CACNA2D1: variants seen among roughly 807,000 people sequenced by gnomAD.
The protein encoded by CACNA2D1 is calcium voltage-gated channel auxiliary subunit alpha2delta 1.
In CACNA2D1, 53 loss-of-function variants were observed where a neutral mutation model predicts 171.5. That is an observed-to-expected ratio of 0.31 (90% CI 0.25 to 0.39). The LOEUF is 0.39. Ranked by LOEUF, CACNA2D1 falls within the 10% of genes least tolerant of loss-of-function variation. The probability of loss-of-function intolerance (pLI) is 1.00; values close to 1 mark genes in which losing one functional copy is unlikely to be tolerated. For synonymous variants in CACNA2D1, 442 were observed against 443.1 expected, an observed-to-expected ratio of 1.00 and a Z score of 0.03; for missense variants, 903 against 1,299.8, an observed-to-expected ratio of 0.69 and a Z score of 4.69.
At chr7:82,162,809 A>T (rs1355568605) in intron 4 of CACNA2D1, among the ~76,000 whole-genome samples, 1 of 151,976 alleles carries the variant, frequency 6.6e-6, no homozygotes, top group Admixed American at 6.6e-5. Context: ...CTAAGCCCTC[A>T]GTCCCCGGGG....
chr7:82,158,507 A>G (rs772502924), intron 4 of CACNA2D1, among the ~76,000 whole-genome samples: 9 of 151,972 alleles, frequency 5.9e-5, no homozygotes, highest in Non-Finnish European at 1.0e-4. Context: ...TTGATTGCCA[A>G]TAAAAGTTGA....
intron 3 of CACNA2D1, among the ~76,000 whole-genome samples, chr7:82,274,585 T>C (rs567510178): frequency 6.6e-6 from 1 of 152,334 alleles, no homozygotes; most frequent in East Asian, 1.9e-4. Flanking sequence ...ACATTTCTAA[T>C]CAGTACTGCT....
intron 38 of CACNA2D1, among the ~76,000 whole-genome samples, chr7:81,951,970 T>TTTTTTTTTTTTTTTTTTTTTTTG (rs1792598684): frequency 8.4e-5 from 2 of 23,942 alleles, no homozygotes; most frequent in Non-Finnish European, 1.5e-4. Context: ...GTACAAAGTG[T>TTTTTTTTTTTTTTTTTTTTTTTG]TTTTTTTTTT....
At chr7:82,026,952 C>G (rs1179730049) in intron 12 of CACNA2D1, among the ~76,000 whole-genome samples, 2 of 151,634 alleles carry the variant, frequency 1.3e-5, no homozygotes, top group East Asian at 1.9e-4. Flanking sequence ...TTAGTGGACA[C>G]AGAACATGCA....
At chr7:82,428,433 A>T (rs969149055) in intron 1 of CACNA2D1, among the ~76,000 whole-genome samples, 1 of 152,180 alleles carries the variant, frequency 6.6e-6, no homozygotes, top group Non-Finnish European at 1.5e-5. Flanking sequence ...TTATTTTATG[A>T]CTTGGACCTC....
At chr7:82,338,205 T>C (rs1022592566) in intron 2 of CACNA2D1, among the ~76,000 whole-genome samples, 2 of 152,118 alleles carry the variant, frequency 1.3e-5, no homozygotes, top group African/African-American at 4.8e-5. Flanking sequence ...CTCAATGATA[T>C]AATTGCTTAA....
chr7:81,996,659 AT>A (rs57515839), intron 19 of CACNA2D1, among the ~76,000 whole-genome samples: 11,476 of 150,320 alleles, frequency 0.076, 492 homozygotes, highest in Middle Eastern at 0.17. Flanking sequence ...TTTATTATAT[AT>A]TTCTAATATT....
intron 1 of CACNA2D1, among the ~76,000 whole-genome samples, chr7:82,377,315 T>C (rs576828148): frequency 6.6e-6 from 1 of 152,338 alleles, no homozygotes; most frequent in East Asian, 1.9e-4. Context: ...ATCAGAATTG[T>C]TATATTGGAT....
intron 15 of CACNA2D1, 26 bp downstream of exon 15, chr7:82,012,128 T>C: frequency 1.5e-6 from 2 of 1,313,930 alleles, no homozygotes; most frequent in Non-Finnish European, 2.2e-6. Context: ...TATGACAGTC[T>C]TTGACTGAAT....
At chr7:82,289,674 T>G (rs1480513350) in intron 3 of CACNA2D1, among the ~76,000 whole-genome samples, 2 of 152,254 alleles carry the variant, frequency 1.3e-5, no homozygotes. Context: ...CTTGAATCTC[T>G]ATCAACAAAT....
At chr7:81,975,603 T>A (rs1795758996) in intron 24 of CACNA2D1, among the ~76,000 whole-genome samples, 1 of 152,186 alleles carries the variant, frequency 6.6e-6, no homozygotes, top group Admixed American at 6.6e-5. Flanking sequence ...ATTAATAGTT[T>A]TTTTGCCTTC....
intron 10 of CACNA2D1, among the ~76,000 whole-genome samples, chr7:82,055,930 G>GTGTGTATATATATATATATATATA (rs71093357): frequency 2.8e-4 from 31 of 111,462 alleles, no homozygotes; most frequent in African/African-American, 1.0e-3. Flanking sequence ...GTGTGTGTGT[G>GTGTGTATATATATATATATATATA]TATATATATA....
intron 3 of CACNA2D1, among the ~76,000 whole-genome samples, chr7:82,264,866 T>C (rs1161119413): frequency 2.0e-5 from 3 of 152,210 alleles, no homozygotes; most frequent in African/African-American, 7.2e-5. Context: ...TGAAAATATA[T>C]ACCTAGATTA....
At chr7:82,078,500 ATAAGT>A (rs957257264) in intron 7 of CACNA2D1, among the ~76,000 whole-genome samples, 4 of 152,302 alleles carry the variant, frequency 2.6e-5, no homozygotes, top group East Asian at 1.9e-4. Flanking sequence ...ATTTATATAA[ATAAGT>A]TAAGAGCTTC....
chr7:82,405,964 C>T lies in CACNA2D1; in HGVS notation c.95+37401G>A, dbSNP rs534139693. Among the ~76,000 whole-genome samples, 8 of 152,148 alleles carry T rather than the reference C, an allele frequency of 5.3e-5. No homozygotes were observed. In the South Asian group the frequency reaches 1.0e-3, roughly 20 times the overall value. On this transcript the variant is annotated intron_variant, in intron 1 of 38. Coordinates refer to ENST00000356860, the MANE Select transcript of CACNA2D1 (RefSeq NM_000722.4). ...TGCAGGTTTGTTACATATGTATCCA[C>T]GTGCCATGTTGGTGTGCTGCACCCA... is the stretch of plus-strand genomic sequence containing the variant.
chr7:82,187,926 T>C (rs565198273), intron 3 of CACNA2D1, among the ~76,000 whole-genome samples: 1 of 152,298 alleles, frequency 6.6e-6, no homozygotes, highest in African/African-American at 2.4e-5. Flanking sequence ...GATAGTAAGA[T>C]ATATCCAAGA....
intron 9 of CACNA2D1, among the ~76,000 whole-genome samples, chr7:82,062,215 C>A (rs1040232926): frequency 6.6e-6 from 1 of 152,130 alleles, no homozygotes; most frequent in Non-Finnish European, 1.5e-5. Context: ...GCCTGTGAAG[C>A]TAGAAACAAG....
chr7:82,184,133 G>T (rs1797426783), intron 3 of CACNA2D1, among the ~76,000 whole-genome samples: 2 of 143,256 alleles, frequency 1.4e-5, no homozygotes, highest in African/African-American at 2.6e-5. Flanking sequence ...CAAATTTTCT[G>T]TTTTGCTAAC....
intron 19 of CACNA2D1, 84 bp downstream of exon 19, chr7:81,997,095 G>A (rs1178757910): frequency 6.1e-6 from 5 of 813,796 alleles, no homozygotes; most frequent in Non-Finnish European, 1.1e-5. Flanking sequence ...CTAACACATT[G>A]TAGCCGTTCA....
Sources: gnomAD v4.1 joint callset for allele counts (sites outside exome capture counted in the v4.1 genomes callset) on GRCh38, gnomAD v4.1.1 for gene constraint, MANE v1.5 for transcripts, NCBI Gene and HGNC (gene_info 2026-07-23, HGNC 2026-07-21) for gene names.